SSBP3: variants seen among roughly 807,000 people sequenced by gnomAD.
SSBP3 encodes the protein single stranded DNA binding protein 3, also known as single-stranded DNA-binding protein 3.
A neutral mutation model predicts 69.6 loss-of-function variants in SSBP3; 5 were observed. The ratio of observed to expected loss-of-function variants is 0.07; its 90% CI spans 0.04 to 0.15. The LOEUF is 0.15. Among genes scored for constraint, SSBP3 ranks in the 10% least tolerant of loss-of-function variants. The pLI, the probability that SSBP3 is intolerant of heterozygous loss-of-function variation, is 1.00. For missense variants in SSBP3, 312 were observed against 534.0 expected, an observed-to-expected ratio of 0.58 and a Z score of 4.10; for synonymous variants, 196 against 193.4, an observed-to-expected ratio of 1.01 and a Z score of -0.11.
At chr1:54,268,947 C>A (rs969276304) in intron 5 of SSBP3, among the ~76,000 whole-genome samples, 2 of 152,206 alleles carry the variant, frequency 1.3e-5, no homozygotes, top group Non-Finnish European at 2.9e-5. Context: ...ACTGACTTAT[C>A]TCCCTTGTAA....
At chr1:54,311,648 G>A (rs571672140) in intron 4 of SSBP3, among the ~76,000 whole-genome samples, 7 of 152,246 alleles carry the variant, frequency 4.6e-5, no homozygotes, top group African/African-American at 1.7e-4. Context: ...ACCGTCACTC[G>A]GAGGGGCGGC....
intron 5 of SSBP3, among the ~76,000 whole-genome samples, chr1:54,272,678 C>G (rs1645215742): frequency 6.6e-6 from 1 of 152,140 alleles, no homozygotes; most frequent in African/African-American, 2.4e-5. Flanking sequence ...AGGGAGCAGC[C>G]ACGGTACAGT....
chr1:54,291,570 T>C (rs1386005625), intron 4 of SSBP3, among the ~76,000 whole-genome samples: 1 of 152,266 alleles, frequency 6.6e-6, no homozygotes, highest in East Asian at 1.9e-4. Context: ...ACAGTCTCTG[T>C]TTCGTCCCCC....
intron 4 of SSBP3, among the ~76,000 whole-genome samples, chr1:54,325,157 A>C (rs1349915724): frequency 6.6e-6 from 1 of 152,178 alleles, no homozygotes; most frequent in Non-Finnish European, 1.5e-5. Context: ...GGAGCAGCCG[A>C]GCATCTGGGC....
At chr1:54,361,425 C>T (rs1397167664) in intron 4 of SSBP3, among the ~76,000 whole-genome samples, 1 of 151,978 alleles carries the variant, frequency 6.6e-6, no homozygotes, top group African/African-American at 2.4e-5. Flanking sequence ...ACGTGGAAAA[C>T]CGAACAACCC....
chr1:54,376,798 C>T (rs776134584), intron 4 of SSBP3, among the ~76,000 whole-genome samples: 6 of 152,182 alleles, frequency 3.9e-5, no homozygotes, highest in Non-Finnish European at 8.8e-5. Flanking sequence ...TCCCGACAAC[C>T]TGGGCACCCT....
upstream of SSBP3, among the ~76,000 whole-genome samples, chr1:54,409,234 C>A (rs1417087970): frequency 1.3e-5 from 2 of 152,112 alleles, no homozygotes; most frequent in South Asian, 2.1e-4. Flanking sequence ...AGGCTAACAT[C>A]CCCTCCCTCC....
intron 4 of SSBP3, among the ~76,000 whole-genome samples, chr1:54,381,555 C>T (rs1647655341): frequency 6.6e-6 from 1 of 152,194 alleles, no homozygotes; most frequent in Non-Finnish European, 1.5e-5. Flanking sequence ...CCAGTTTGTG[C>T]TCTCACCAAG....
At chr1:54,251,942 G>A (rs1644837858) in intron 7 of SSBP3, 82 bp from the exon 8 acceptor site, 1 of 1,199,030 alleles carries the variant, frequency 8.3e-7, no homozygotes, top group Non-Finnish European at 1.2e-6. Context: ...GTCCCACCCA[G>A]TGCCCCGTGT....
At chr1:54,319,948 C>T (rs1489096918) in intron 4 of SSBP3, among the ~76,000 whole-genome samples, 3 of 152,150 alleles carry the variant, frequency 2.0e-5, no homozygotes, top group South Asian at 2.1e-4. Flanking sequence ...ACAGACTTCA[C>T]GATTTTTCAA....
At chr1:54,369,703 G>A (rs977169400) in intron 4 of SSBP3, among the ~76,000 whole-genome samples, 3 of 151,676 alleles carry the variant, frequency 2.0e-5, no homozygotes, top group African/African-American at 7.2e-5. Context: ...GTACGAAGAC[G>A]CTCAGAACAG....
chr1:54,373,453 A>G (rs1647168583), intron 4 of SSBP3, among the ~76,000 whole-genome samples: 1 of 152,180 alleles, frequency 6.6e-6, no homozygotes, highest in African/African-American at 2.4e-5. Context: ...AAGGGTCAGC[A>G]AAGAGTTGTT....
At chr1:54,388,782 C>T (rs1648268278) in intron 4 of SSBP3, among the ~76,000 whole-genome samples, 2 of 152,240 alleles carry the variant, frequency 1.3e-5, no homozygotes, top group Admixed American at 1.3e-4. Context: ...ACAGAGAAGC[C>T]TTGCATGCAC....
At chr1:54,287,514 CTACA>C (rs1368816072) in intron 4 of SSBP3, 5 of 152,254 alleles carry the variant, frequency 3.3e-5, no homozygotes, top group Admixed American at 6.5e-5. Flanking sequence ...CCTGTGATGA[CTACA>C]TACAGAGGGC....
chr1:54,263,759 C>A (rs1440231381), intron 5 of SSBP3, among the ~76,000 whole-genome samples: 5 of 152,230 alleles, frequency 3.3e-5, no homozygotes, highest in African/African-American at 9.6e-5. Context: ...CCCACAGGTA[C>A]CTTGGGGCAG....
chr1:54,272,695 AGAACT>A (rs1645216764), intron 5 of SSBP3, among the ~76,000 whole-genome samples: 1 of 152,212 alleles, frequency 6.6e-6, no homozygotes, highest in Non-Finnish European at 1.5e-5. Context: ...CAGTGCTGGG[AGAACT>A]GCCGACCTGC....
intron 4 of SSBP3, among the ~76,000 whole-genome samples, chr1:54,304,933 C>G (rs1227057868): frequency 2.0e-5 from 3 of 152,188 alleles, no homozygotes; most frequent in Non-Finnish European, 4.4e-5. Flanking sequence ...CCACCACCCC[C>G]ACCGACACCA....
intron 4 of SSBP3, among the ~76,000 whole-genome samples, chr1:54,304,877 C>A (rs533706489): frequency 4.2e-4 from 64 of 152,238 alleles, no homozygotes; most frequent in African/African-American, 1.5e-3. Context: ...AGAAGGCAAT[C>A]ACAGATAAAC....
intron 4 of SSBP3, among the ~76,000 whole-genome samples, chr1:54,375,408 G>C (rs538268712): frequency 2.6e-4 from 40 of 152,186 alleles, no homozygotes; most frequent in African/African-American, 9.4e-4. Flanking sequence ...AGCCAGACTG[G>C]GGTCTGCCAG....
Sources: allele counts gnomAD v4.1 joint callset (sites outside exome capture counted in the v4.1 genomes callset), GRCh38; gene constraint gnomAD v4.1.1; transcripts MANE v1.5; gene names NCBI Gene and HGNC (gene_info 2026-07-23, HGNC 2026-07-21).